The following HECW2 variants were observed in gnomAD, a reference collection of about 807,000 sequenced individuals.
HECW2 encodes HECT, C2 and WW domain containing E3 ubiquitin protein ligase 2, also known as E3 ubiquitin-protein ligase HECW2.
Under a neutral mutation model 175.2 loss-of-function variants are expected in HECW2, and 61 were observed. The observed-to-expected ratio is 0.35, with a 90% confidence interval of 0.28 to 0.43. The LOEUF (loss-of-function observed/expected upper bound fraction) is 0.43, where lower values mean the gene tolerates loss of function less well. HECW2 is among the 20% of genes least tolerant of loss of function. The probability of loss-of-function intolerance (pLI) is 1.00; values close to 1 mark genes in which losing one functional copy is unlikely to be tolerated. For synonymous variants in HECW2, 671 were observed against 731.0 expected, an observed-to-expected ratio of 0.92 and a Z score of 1.32; for missense variants, 1,524 against 2,000.5, an observed-to-expected ratio of 0.76 and a Z score of 4.54.
chr2:196,221,218 A>ATAC (rs1687658685), intron 24 of HECW2, among the ~76,000 whole-genome samples: 2 of 152,224 alleles, frequency 1.3e-5, no homozygotes, highest in Admixed American at 6.5e-5. Flanking sequence ...TCGGCTTCAG[A>ATAC]TACTAGCCTG....
At chr2:196,404,661 C>A (rs993086073) in intron 2 of HECW2, among the ~76,000 whole-genome samples, 1 of 152,114 alleles carries the variant, frequency 6.6e-6, no homozygotes, top group Non-Finnish European at 1.5e-5. Context: ...AGTTCCAGTG[C>A]TCCCACTACA....
intron 1 of HECW2, among the ~76,000 whole-genome samples, chr2:196,590,434 T>A (rs1691147517): frequency 6.6e-6 from 1 of 152,092 alleles, no homozygotes; most frequent in Non-Finnish European, 1.5e-5. Flanking sequence ...ATGCTGCCAT[T>A]CCCTATCCAA....
At position 196,215,906 on chromosome 2, in the gene HECW2, T is replaced by C; in HGVS notation, c.4566A>G (p.Arg1522=). The C allele has an allele frequency of 6.2e-7, 1 of 1,614,060 alleles. No individual in the cohort carries two copies. Residue 1522 remains arginine (R), a synonymous_variant, in exon 28 of 29, where the codon AGA becomes AGG. Transcript: ENST00000644978. ...ASLRGSNGPR[R]FCVEKWGKIT... is the part of the protein sequence containing the mutation. ...TTTTCCCCCATTTCTCCACACAGAATCTTCTTGGGCCGTTACTCCCTCGGA... is the reference window on the plus strand; with the variant it reads ...TTTTCCCCCATTTCTCCACACAGAACCTTCTTGGGCCGTTACTCCCTCGGA...
chr2:196,395,624 A>C (rs1357729642), intron 2 of HECW2, among the ~76,000 whole-genome samples: 1 of 152,166 alleles, frequency 6.6e-6, no homozygotes, highest in Non-Finnish European at 1.5e-5. Context: ...GTTTAACATC[A>C]CTAATGATGC....
Position 196,323,143 on chromosome 2 carries a change from A to G in HECW2, c.742-523T>C, listed in dbSNP as rs574049622. Among the ~76,000 whole-genome samples, 11 of 152,360 alleles carry G rather than the reference A, an allele frequency of 7.2e-5. No homozygotes were observed. In the South Asian group the frequency reaches 1.2e-3, roughly 17 times the overall value. ...GGTTTCCCTGATAAATGTTAAAAGA[A>G]TGTTTAAATGGAATTTTTCCTTAAG... On this transcript the variant is annotated intron_variant, in intron 6 of 28. Transcript: ENST00000644978.
intron 1 of HECW2, among the ~76,000 whole-genome samples, chr2:196,575,811 G>A (rs1690541419): frequency 6.6e-6 from 1 of 152,156 alleles, no homozygotes; most frequent in African/African-American, 2.4e-5. Context: ...GAGCAGGCGT[G>A]TCACATGGCA....
At chr2:196,273,016 T>C (rs181586636) in intron 16 of HECW2, among the ~76,000 whole-genome samples, 76 of 151,338 alleles carry the variant, frequency 5.0e-4, no homozygotes, top group African/African-American at 1.8e-3. Context: ...AAAGAAGACG[T>C]TTTAAAACAA....
chr2:196,319,611 C>T lies in HECW2; in HGVS notation c.1279G>A (p.Gly427Ser), dbSNP rs1691860831. ...GTCGCTGTCCCCGGCCTGGAGTGGC[C>T]ATTGTGTTCGATAGCATCTAAGTAA... ...NDYLDAIEHN[G>S]HSRPGTATCS... Residue 427 changes from glycine to serine, a missense_variant, in exon 9 of 29, where the codon GGC (glycine) becomes AGC (serine). This residue lies in a region of HECW2 where 604 missense variants were observed against 588.3 expected (regional missense o/e 1.03). Transcript: ENST00000644978. 1 of 1,614,212 alleles carries T rather than the reference C, an allele frequency of 6.2e-7. No individual in the cohort carries two copies. Among genetic ancestry groups the T allele is most frequent in the African/African-American group, 1.3e-5 (1 of 75,052 alleles).
At chr2:196,507,143 AG>A (rs1687786661) in intron 1 of HECW2, among the ~76,000 whole-genome samples, 1 of 69,848 alleles carries the variant, frequency 1.4e-5, no homozygotes, top group South Asian at 4.5e-4. Context: ...TACACACGTT[AG>A]TGTGTATATT....
At chr2:196,304,541 T>C (rs1013017351) in intron 13 of HECW2, among the ~76,000 whole-genome samples, 1 of 152,186 alleles carries the variant, frequency 6.6e-6, no homozygotes, top group Non-Finnish European at 1.5e-5. Context: ...GTCTAGAATG[T>C]ACCAGGCAAA....
Position 196,222,191 on chromosome 2 carries a change from A to G in HECW2, c.4146+20T>C. On this transcript the variant is annotated intron_variant, in intron 24 of 28. Transcript: ENST00000644978. ...CCTTCAGTTACCACACTTAGGCGCC[A>G]GGTGTGCAGATACACACACCTGCCC... 1 of 1,608,628 alleles carries G rather than the reference A, an allele frequency of 6.2e-7. No individual in the cohort carries two copies. The highest frequency in any genetic ancestry group is 8.5e-7 in the Non-Finnish European group (1 of 1,177,258).
At position 196,323,915 on chromosome 2, in the gene HECW2, G is replaced by GTTTTTTTTTTTTTTTT. The variant is rs1160140452; in HGVS notation, c.741+1064_741+1065insAAAAAAAAAAAAAAAA. Reference sequence around the variant, plus strand: ...CCCTTAAGAGTTTTTTTTGTTTTTTGTTTGTTTTTTTTTTTTTTTTTTACC... The same window carrying GTTTTTTTTTTTTTTTT: ...CCCTTAAGAGTTTTTTTTGTTTTTTGTTTTTTTTTTTTTTTTTTTGTTTTTTTTTTTTTTTTTTACC... On this transcript the variant is annotated intron_variant, in intron 6 of 28. Coordinates refer to ENST00000644978, the MANE Select transcript of HECW2 (RefSeq NM_001348768.2). Among the ~76,000 whole-genome samples, 15 of 68,776 alleles carry GTTTTTTTTTTTTTTTT rather than the reference G, an allele frequency of 2.2e-4. 2 individuals are homozygous for GTTTTTTTTTTTTTTTT. The highest frequency in any genetic ancestry group is 1.6e-3 in the East Asian group (3 of 1,876). The allele number at this position is 68,776 out of a possible 152,430, so 45.1% of individuals were successfully genotyped here.
intron 5 of HECW2, among the ~76,000 whole-genome samples, chr2:196,325,866 C>T (rs149962081): frequency 6.6e-6 from 1 of 152,278 alleles, no homozygotes; most frequent in Non-Finnish European, 1.5e-5. Context: ...CTGTTTCACA[C>T]TATATGCTGC....
At chr2:196,495,593 C>A (rs1214850212) in intron 1 of HECW2, among the ~76,000 whole-genome samples, 7 of 152,054 alleles carry the variant, frequency 4.6e-5, no homozygotes, top group Admixed American at 2.0e-4. Context: ...GAGACAGAGA[C>A]AAAAGGGCAT....
At chr2:196,320,461 T>C in intron 7 of HECW2, 22 bp from the exon 8 acceptor site, 1 of 1,529,678 alleles carries the variant, frequency 6.5e-7, no homozygotes, top group Admixed American at 1.7e-5. Flanking sequence ...GAAATGCTTC[T>C]TTCATCCTGA....
At chr2:196,582,839 C>A (rs1690839605) in intron 1 of HECW2, among the ~76,000 whole-genome samples, 1 of 152,202 alleles carries the variant, frequency 6.6e-6, no homozygotes, top group Non-Finnish European at 1.5e-5. Context: ...AGTTTAGCTT[C>A]ACTTGAAAAA....
chr2:196,404,152 C>T (rs1441057762), intron 2 of HECW2, among the ~76,000 whole-genome samples: 1 of 152,150 alleles, frequency 6.6e-6, no homozygotes, highest in Non-Finnish European at 1.5e-5. Context: ...TTGTAGTATC[C>T]ACATAGGATA....
chr2:196,291,159 G>T (rs762732750), intron 14 of HECW2: 5 of 151,952 alleles, frequency 3.3e-5, no homozygotes, highest in African/African-American at 9.7e-5. Flanking sequence ...GGGAACTTTG[G>T]GGGGTAAATG....
At chr2:196,485,895 G>T (rs886521400) in intron 1 of HECW2, among the ~76,000 whole-genome samples, 1 of 152,156 alleles carries the variant, frequency 6.6e-6, no homozygotes. Context: ...ATGGTACCAC[G>T]CATCTGTAGT....
Sources: allele counts gnomAD v4.1 joint callset (sites outside exome capture counted in the v4.1 genomes callset), GRCh38; gene constraint gnomAD v4.1.1; regional missense constraint gnomAD v4.1.1; transcripts MANE v1.5; gene names NCBI Gene and HGNC (gene_info 2026-07-23, HGNC 2026-07-21).